Variants in PCDHA1 observed in about 807,000 individuals in gnomAD.
PCDHA1 encodes protocadherin alpha 1.
PCDHA1 carries 42 observed loss-of-function variants against 61.3 expected under a neutral mutation model. The observed-to-expected ratio is 0.69, with a 90% CI of 0.54 to 0.89. The LOEUF (loss-of-function observed/expected upper bound fraction) is 0.89. Among genes scored for constraint, PCDHA1 ranks in the 40% least tolerant of loss-of-function variants. The pLI is 0.00. For synonymous variants in PCDHA1, 610 were observed against 553.8 expected (o/e 1.10, Z -1.43); for missense variants, 1,256 against 1,235.3 (o/e 1.02, Z -0.25).
chr5:140,817,562 C>A (rs1766158896), intron 1 of PCDHA1: 1 of 152,242 alleles, frequency 6.6e-6, no homozygotes, highest in Middle Eastern at 3.4e-3. Flanking sequence ...TGACTTATTA[C>A]CTCAATTAAA....
intron 1 of PCDHA1, chr5:140,929,115 C>T: frequency 6.2e-7 from 1 of 1,614,136 alleles, no homozygotes. Context: ...CATCAGCCAC[C>T]ATAGATGTCA....
intron 1 of PCDHA1, among the ~76,000 whole-genome samples, chr5:140,952,265 G>A (rs1292970434): frequency 6.6e-6 from 1 of 151,556 alleles, no homozygotes; most frequent in African/African-American, 2.4e-5. Context: ...CCCATTCTGG[G>A]GTCTTGAGGG....
intron 1 of PCDHA1, chr5:140,883,143 C>A (rs782699546): frequency 1.2e-6 from 2 of 1,614,042 alleles, no homozygotes; most frequent in South Asian, 1.1e-5. Context: ...GTGGTATATG[C>A]ATTTACCATA....
At chr5:140,805,119 C>A in intron 1 of PCDHA1, 1 of 1,586,624 alleles carries the variant, frequency 6.3e-7, no homozygotes, top group Non-Finnish European at 8.5e-7. Flanking sequence ...TAACAAGACT[C>A]TTGGCAAAGA....
At chr5:140,797,484 G>A (rs1016322450) in intron 1 of PCDHA1, 2 of 1,023,184 alleles carry the variant, frequency 2.0e-6, no homozygotes, top group Admixed American at 2.5e-5. Flanking sequence ...TTTTGAATAT[G>A]AATTAGAGAT....
At chr5:140,931,396 G>C (rs1554208395) in intron 1 of PCDHA1, among the ~76,000 whole-genome samples, 1 of 152,000 alleles carries the variant, frequency 6.6e-6, no homozygotes, top group Non-Finnish European at 1.5e-5. Flanking sequence ...ATAAGTAAGC[G>C]ATAGGAAGGC....
intron 1 of PCDHA1, among the ~76,000 whole-genome samples, chr5:140,886,827 G>GAAA (rs782016620): frequency 3.3e-5 from 2 of 60,922 alleles, no homozygotes; most frequent in Non-Finnish European, 6.7e-5. Flanking sequence ...ACTTCGTCTT[G>GAAA]AAAAAAAAAA....
intron 1 of PCDHA1, among the ~76,000 whole-genome samples, chr5:140,961,949 T>G (rs868952671): frequency 2.0e-5 from 3 of 151,876 alleles, no homozygotes; most frequent in Non-Finnish European, 4.4e-5. Context: ...AGTGGCATGA[T>G]CTCGGCTCAC....
intron 1 of PCDHA1, chr5:140,797,603 A>C: frequency 9.9e-6 from 5 of 506,392 alleles, no homozygotes; most frequent in South Asian, 3.3e-5. Context: ...AGACCATGAA[A>C]CACTGAAAAA....
intron 1 of PCDHA1, among the ~76,000 whole-genome samples, chr5:140,934,797 T>G (rs1045887352): frequency 2.4e-4 from 36 of 152,236 alleles, no homozygotes; most frequent in Admixed American, 1.4e-3. Context: ...CAATTATCTT[T>G]TTAATGATCA....
chr5:140,937,442 A>AAAATATCATTTTAAAATATCATTAT (rs2091531773), intron 1 of PCDHA1, among the ~76,000 whole-genome samples: 1 of 152,160 alleles, frequency 6.6e-6, no homozygotes, highest in Non-Finnish European at 1.5e-5. Context: ...ATGCTATTTT[A>AAAATATCATTTTAAAATATCATTAT]AAAGTTTAAT....
chr5:140,969,074 C>T (rs782163688), intron 1 of PCDHA1: 3 of 1,614,142 alleles, frequency 1.9e-6, no homozygotes, highest in Non-Finnish European at 2.5e-6. Flanking sequence ...CAGGATACCG[C>T]ATGGCCTCAA....
intron 1 of PCDHA1, chr5:140,967,360 G>T: frequency 6.2e-7 from 1 of 1,607,656 alleles, no homozygotes. Flanking sequence ...TGGACCTTAA[G>T]CCCCTGCAGG....
rs782025511 is a variant in PCDHA1, at chr5:140,796,567, G to T, written c.2394+7883G>T. ...GGAAGTGGAGCTGCTGCAGTTCCAG[G>T]TGAGCGCGCGGGATGCGGGCGTGCC... On this transcript the variant is annotated intron_variant, in intron 1 of 3. Coordinates refer to ENST00000504120, the MANE Select transcript of PCDHA1 (RefSeq NM_018900.4). 5.0e-6 allele frequency: 8 copies of T among 1,613,222 alleles called. No homozygotes were observed. In the Admixed American group the frequency reaches 1.3e-4, roughly 27 times the overall value.
chr5:140,890,043 G>GT (rs1255415089), intron 1 of PCDHA1, among the ~76,000 whole-genome samples: 1 of 152,192 alleles, frequency 6.6e-6, no homozygotes, highest in Non-Finnish European at 1.5e-5. Context: ...ACTGTAGTGT[G>GT]TTGGAGCTGG....
At chr5:140,932,415 T>C (rs1183410119) in intron 1 of PCDHA1, among the ~76,000 whole-genome samples, 2 of 151,922 alleles carry the variant, frequency 1.3e-5, no homozygotes, top group African/African-American at 4.8e-5. Context: ...GTTATATTAG[T>C]GTATTGTTCA....
intron 1 of PCDHA1, chr5:140,822,960 G>A (rs1268599486): frequency 9.3e-6 from 15 of 1,614,106 alleles, no homozygotes; most frequent in Non-Finnish European, 1.1e-5. Flanking sequence ...TTCCCTTCAA[G>A]CTGGTGTCCA....
In PCDHA1 at chr5:140,949,013, T is replaced by C. The variant is rs541040709; in HGVS notation, c.2395-29936T>C. Among the ~76,000 whole-genome samples, 141 of 151,862 alleles carry C rather than the reference T, an allele frequency of 9.3e-4. No homozygotes were observed. In the Middle Eastern group the frequency reaches 0.01, roughly 11 times the overall value. On this transcript the variant is annotated intron_variant, in intron 1 of 3. Transcript: ENST00000504120. ...GCATTTTACTAATTTTTATATGTGATGTTTTTATTTTTATTCATTTAAAAG... is the reference window on the plus strand; with the variant it reads ...GCATTTTACTAATTTTTATATGTGACGTTTTTATTTTTATTCATTTAAAAG...
rs2150262609 is a variant in PCDHA1, at chr5:140,836,508, A to T, written c.2394+47824A>T. 6 of 1,613,710 alleles carry T rather than the reference A, an allele frequency of 3.7e-6. No individual in the cohort carries two copies. The African/African-American group carries it at 8.0e-5, about 22-fold the overall frequency. On this transcript the variant is annotated intron_variant, in intron 1 of 3. Transcript: ENST00000504120. ...GATCATCGCCATCTGCGCGGTGTCC[A>T]GTCTGTTGGTGCTTACCCTGCTGCT...
Sources: allele counts gnomAD v4.1 joint callset (sites outside exome capture counted in the v4.1 genomes callset), GRCh38; gene constraint gnomAD v4.1.1; transcripts MANE v1.5; gene names NCBI Gene and HGNC (gene_info 2026-07-23, HGNC 2026-07-21).